SYN3: variants seen among roughly 807,000 people sequenced by gnomAD.
The protein encoded by SYN3 is synapsin III, also known as synapsin-3.
SYN3 carries 35 observed loss-of-function variants against 65.8 expected under a neutral mutation model. The ratio of observed to expected loss-of-function variants is 0.53; its 90% CI spans 0.41 to 0.70. The LOEUF (loss-of-function observed/expected upper bound fraction) is 0.70, where lower values mean the gene tolerates loss of function less well. Among genes scored for constraint, SYN3 ranks in the 30% least tolerant of loss-of-function variants. SYN3 has a pLI of 0.00. For synonymous variants in SYN3, 270 were observed against 292.9 expected, an observed-to-expected ratio of 0.92 and a Z score of 0.80; for missense variants, 680 against 749.0, an observed-to-expected ratio of 0.91 and a Z score of 1.08.
At chr22:32,693,564 G>A (rs1601925924) in intron 6 of SYN3, among the ~76,000 whole-genome samples, 1 of 148,024 alleles carries the variant, frequency 6.8e-6, no homozygotes, top group East Asian at 2.0e-4. Context: ...CCTAAATCGG[G>A]TAATATAATA....
rs1324095496 is a variant in SYN3, at chr22:32,948,940, G to A, written c.370-17459C>T. Among the ~76,000 whole-genome samples, 9 of 151,688 alleles carry A rather than the reference G, an allele frequency of 5.9e-5. No individual in the cohort carries two copies. In the South Asian group the frequency reaches 6.3e-4, roughly 11 times the overall value. On this transcript the variant is annotated intron_variant, in intron 3 of 13. Coordinates refer to ENST00000358763, the MANE Select transcript of SYN3 (RefSeq NM_003490.4). ...TTCTCCTAGGTCAGAAGGAGATACA[G>A]GTTGAACATTCCTTATCTGAAATGC...
chr22:32,657,015 G>C (rs1385145726), intron 6 of SYN3, among the ~76,000 whole-genome samples: 1 of 152,234 alleles, frequency 6.6e-6, no homozygotes, highest in South Asian at 2.1e-4. Flanking sequence ...TTCTGGCTTG[G>C]AATTCTGGGA....
intron 6 of SYN3, among the ~76,000 whole-genome samples, chr22:32,762,900 T>A (rs902539715): frequency 6.6e-6 from 1 of 151,970 alleles, no homozygotes; most frequent in Admixed American, 6.5e-5. Flanking sequence ...CCAGAAAGCA[T>A]GAGTCAAATA....
In SYN3 at chr22:32,992,135, C is replaced by T. The variant is rs532210790; in HGVS notation, c.312-11433G>A. Reference sequence around the variant, plus strand: ...GAAAACACGACTCACAAGTGAAACGCTGAAACTCCTCAGACTTTGCCCAAG... The same window carrying T: ...GAAAACACGACTCACAAGTGAAACGTTGAAACTCCTCAGACTTTGCCCAAG... On this transcript the variant is annotated intron_variant, in intron 2 of 13. Transcript: ENST00000358763. Among the ~76,000 whole-genome samples, 3 of 152,250 alleles carry T rather than the reference C, an allele frequency of 2.0e-5. No homozygotes were observed. The East Asian group carries it at 5.8e-4, about 29-fold the overall frequency.
At chr22:32,887,971 T>C (rs1308230100) in intron 4 of SYN3, among the ~76,000 whole-genome samples, 1 of 152,182 alleles carries the variant, frequency 6.6e-6, no homozygotes, top group East Asian at 1.9e-4. Context: ...CCACCAGCAA[T>C]GTAGGAAAGT....
chr22:32,687,952 A>AT (rs1290535517), intron 6 of SYN3, among the ~76,000 whole-genome samples: 1 of 302 alleles, frequency 3.3e-3, no homozygotes, highest in Non-Finnish European at 7.1e-3. Flanking sequence ...CTTCACAGCA[A>AT]TCGCACAGCC....
At chr22:33,003,148 A>G (rs2145782512) in intron 2 of SYN3, among the ~76,000 whole-genome samples, 1 of 152,322 alleles carries the variant, frequency 6.6e-6, no homozygotes, top group South Asian at 2.1e-4. Context: ...TCCTTTATAA[A>G]TTACCCAGTC....
rs746460558 is a variant in SYN3 at position 32,670,922 on chromosome 22, C to T, written c.712-74186G>A. On this transcript the variant is annotated intron_variant, in intron 6 of 13. Transcript: ENST00000358763. The stretch of plus-strand genomic sequence containing the variant: ...TAAAAAGGCAGCGCTGACAGCACAC[C>T]CCTAGGTGACCACTACGGTGTTCAG... Among the ~76,000 whole-genome samples the T allele has an allele frequency of 3.4e-4, 51 of 152,188 alleles. 1 individual carries two copies. Among genetic ancestry groups the T allele is most frequent in the Non-Finnish European group, 2.9e-4 (20 of 68,040 alleles).
chr22:32,866,388 C>T lies in SYN3; in HGVS notation c.622-1384G>A, dbSNP rs376082315. ...TAAGAGAACTCAGAAATATGGAAAA[C>T]GATGTATGTGTGTGTGGGGTCCCTC... On this transcript the variant is annotated intron_variant, in intron 5 of 13. Transcript: ENST00000358763. Among the ~76,000 whole-genome samples the T allele has an allele frequency of 4.6e-5, 7 of 152,116 alleles. No homozygotes were observed. In the East Asian group the frequency reaches 7.7e-4, roughly 17 times the overall value.
Position 32,988,052 on chromosome 22 carries a change from T to C in SYN3, c.312-7350A>G, listed in dbSNP as rs564446435. 9.3e-5 allele frequency among the ~76,000 whole-genome samples: 14 copies of C among 151,014 alleles called. No individual in the cohort carries two copies. In the South Asian group the frequency reaches 2.9e-3, roughly 32 times the overall value. ...GGCCGGGAACAGTGGCTCATGCCTG[T>C]AATCCCAACACTTTGGGAGGCCGAG... On this transcript the variant is annotated intron_variant, in intron 2 of 13. Coordinates refer to ENST00000358763, the MANE Select transcript of SYN3 (RefSeq NM_003490.4).
chr22:32,715,163 C>T (rs2061019655), intron 6 of SYN3, among the ~76,000 whole-genome samples: 1 of 152,158 alleles, frequency 6.6e-6, no homozygotes, highest in South Asian at 2.1e-4. Flanking sequence ...AGATATGTAG[C>T]GTTTGCTTAT....
intron 2 of SYN3, among the ~76,000 whole-genome samples, chr22:32,990,301 A>C (rs9621617): frequency 7.2e-6 from 1 of 139,442 alleles, no homozygotes. Flanking sequence ...TCCATCCATG[A>C]ATCCATCCAT....
At chr22:32,663,330 A>G (rs1462368058) in intron 6 of SYN3, among the ~76,000 whole-genome samples, 16 of 133,330 alleles carry the variant, frequency 1.2e-4, no homozygotes, top group African/African-American at 3.8e-4. Context: ...TTTGAGTCTC[A>G]CTCTGTCGCC....
intron 6 of SYN3, among the ~76,000 whole-genome samples, chr22:32,771,597 C>T (rs2045771322): frequency 6.6e-6 from 1 of 152,334 alleles, no homozygotes; most frequent in African/African-American, 2.4e-5. Flanking sequence ...CTGCCTGCCT[C>T]CCTCACAGGG....
intron 6 of SYN3, among the ~76,000 whole-genome samples, chr22:32,746,287 C>T (rs1204591953): frequency 1.3e-5 from 2 of 152,142 alleles, no homozygotes; most frequent in Non-Finnish European, 2.9e-5. Flanking sequence ...GGTGCCCTTT[C>T]CCAGACAGTT....
chr22:32,793,117 CT>C (rs2046357885), intron 6 of SYN3, among the ~76,000 whole-genome samples: 1 of 152,220 alleles, frequency 6.6e-6, no homozygotes, highest in Non-Finnish European at 1.5e-5. Flanking sequence ...GTTCCCTTCT[CT>C]TTTACTCATC....
At chr22:32,706,166 T>C (rs2060878393) in intron 6 of SYN3, among the ~76,000 whole-genome samples, 1 of 152,244 alleles carries the variant, frequency 6.6e-6, no homozygotes, top group Non-Finnish European at 1.5e-5. Flanking sequence ...TTTCCAGCTT[T>C]TGCCCATTCA....
intron 1 of SYN3, among the ~76,000 whole-genome samples, chr22:33,029,431 C>A (rs984846007): frequency 1.3e-5 from 2 of 152,114 alleles, no homozygotes; most frequent in African/African-American, 4.8e-5. Flanking sequence ...AATCCTCCCA[C>A]CTCAACCTCC....
intron 4 of SYN3, among the ~76,000 whole-genome samples, chr22:32,898,364 G>A (rs1170772375): frequency 2.0e-5 from 3 of 152,086 alleles, no homozygotes; most frequent in African/African-American, 4.8e-5. Flanking sequence ...AGTCTTTAAC[G>A]TATCTGAACC....
Sources: allele counts gnomAD v4.1 joint callset (sites outside exome capture counted in the v4.1 genomes callset), GRCh38; gene constraint gnomAD v4.1.1; transcripts MANE v1.5; gene names NCBI Gene and HGNC (gene_info 2026-07-23, HGNC 2026-07-21).